The following CNTN4 variants were observed in gnomAD, a reference collection of about 807,000 sequenced individuals.
The protein encoded by CNTN4 is contactin-4.
Under a neutral mutation model 122.5 loss-of-function variants are expected in CNTN4, and 77 were observed. That is an observed-to-expected ratio of 0.63 (90% CI 0.52 to 0.76). The LOEUF (loss-of-function observed/expected upper bound fraction) is 0.76, where lower values mean the gene tolerates loss of function less well. Ranked by LOEUF, CNTN4 falls within the 30% of genes least tolerant of loss-of-function variation. The pLI, the probability that CNTN4 is intolerant of heterozygous loss-of-function variation, is 0.00. For synonymous variants in CNTN4, 512 were observed against 447.0 expected, an observed-to-expected ratio of 1.15 and a Z score of -1.83; for missense variants, 1,256 against 1,259.1, an observed-to-expected ratio of 1.00 and a Z score of 0.04.
intron 23 of CNTN4, 45 bp from the exon 24 acceptor site, chr3:3,053,762 C>G (rs1264400159): frequency 1.9e-6 from 3 of 1,603,020 alleles, no homozygotes; most frequent in African/African-American, 1.3e-5. Context: ...TATTTGGGAC[C>G]TTTGTGAAGA....
chr3:2,534,273 A>G (rs2077711624), intron 3 of CNTN4, among the ~76,000 whole-genome samples: 1 of 152,052 alleles, frequency 6.6e-6, no homozygotes, highest in South Asian at 2.1e-4. Context: ...ATCTTGAATT[A>G]ATTTTTGTAT....
chr3:2,291,713 ATATTT>A (rs201150571), intron 2 of CNTN4, among the ~76,000 whole-genome samples: 2,443 of 151,902 alleles, frequency 0.016, 66 homozygotes, highest in African/African-American at 0.056. Flanking sequence ...TTGAACTATA[ATATTT>A]TATTTTATTT....
At chr3:2,776,771 A>G (rs930060029) in intron 6 of CNTN4, among the ~76,000 whole-genome samples, 1 of 152,160 alleles carries the variant, frequency 6.6e-6, no homozygotes, top group African/African-American at 2.4e-5. Flanking sequence ...AATTTTATGT[A>G]ATAAGTTTTT....
At chr3:2,758,270 T>C (rs529351856) in intron 6 of CNTN4, among the ~76,000 whole-genome samples, 1 of 152,292 alleles carries the variant, frequency 6.6e-6, no homozygotes, top group South Asian at 2.1e-4. Context: ...AAGTGCTGAA[T>C]AAATATTTGT....
intron 6 of CNTN4, among the ~76,000 whole-genome samples, chr3:2,749,462 C>T (rs1403172980): frequency 6.6e-6 from 1 of 151,998 alleles, no homozygotes. Flanking sequence ...TTGCCCAGCT[C>T]ATTTACCAGA....
intron 14 of CNTN4, among the ~76,000 whole-genome samples, chr3:3,012,804 A>G (rs1443810659): frequency 1.3e-5 from 2 of 151,876 alleles, no homozygotes; most frequent in Non-Finnish European, 2.9e-5. Flanking sequence ...CCCCATCTCT[A>G]CTAAAAATAC....
At chr3:2,148,042 T>C (rs755746507) in intron 2 of CNTN4, among the ~76,000 whole-genome samples, 43 of 152,136 alleles carry the variant, frequency 2.8e-4, no homozygotes, top group Non-Finnish European at 5.4e-4. Context: ...AGTGCCTTTT[T>C]TCTTCTTAAG....
At chr3:2,829,849 T>G (rs897906585) in intron 7 of CNTN4, among the ~76,000 whole-genome samples, 5 of 152,206 alleles carry the variant, frequency 3.3e-5, no homozygotes, top group Admixed American at 1.3e-4. Context: ...TCTGGTTTTT[T>G]AAGAAGAGTT....
intron 2 of CNTN4, among the ~76,000 whole-genome samples, chr3:2,228,475 GTA>G (rs1484105040): frequency 6.6e-6 from 1 of 152,090 alleles, no homozygotes; most frequent in Non-Finnish European, 1.5e-5. Flanking sequence ...AAGGCTGAAA[GTA>G]TATATCATCT....
intron 7 of CNTN4, among the ~76,000 whole-genome samples, chr3:2,837,751 T>C (rs959457212): frequency 5.9e-5 from 9 of 152,122 alleles, no homozygotes; most frequent in Admixed American, 2.6e-4. Context: ...TGTTTGTCAC[T>C]AAAAACCAGC....
chr3:2,542,605 T>C (rs1403676205), intron 3 of CNTN4, among the ~76,000 whole-genome samples: 1 of 152,166 alleles, frequency 6.6e-6, no homozygotes, highest in Non-Finnish European at 1.5e-5. Context: ...AAGGTTTATA[T>C]CTGCAGGAGA....
intron 14 of CNTN4, among the ~76,000 whole-genome samples, chr3:3,006,453 C>T (rs1404197336): frequency 6.6e-6 from 1 of 152,184 alleles, no homozygotes; most frequent in Non-Finnish European, 1.5e-5. Flanking sequence ...ATTGCCCCAA[C>T]TAGAAGGTCC....
rs558810674 is a variant in CNTN4 at position 2,594,691 on chromosome 3, A to T, written c.55+23133A>T. Among the ~76,000 whole-genome samples the T allele has an allele frequency of 7.9e-5, 12 of 152,166 alleles. No homozygotes were observed. The South Asian group carries it at 2.5e-3, about 32-fold the overall frequency. The stretch of plus-strand genomic sequence containing the variant: ...AGCCTTGGCCTCCCAAAGTGCTGGG[A>T]TTACAGGCATGAGCCACCGCACTGG... On this transcript the variant is annotated intron_variant, in intron 4 of 24. Coordinates refer to ENST00000418658, the MANE Select transcript of CNTN4 (RefSeq NM_175607.3).
intron 3 of CNTN4, among the ~76,000 whole-genome samples, chr3:2,550,705 G>T (rs894594344): frequency 5.9e-5 from 9 of 152,108 alleles, no homozygotes; most frequent in Non-Finnish European, 1.0e-4. Flanking sequence ...CAACCCAAAT[G>T]TCTATCATTG....
At chr3:2,921,999 C>G (rs928259230) in intron 12 of CNTN4, among the ~76,000 whole-genome samples, 2 of 152,166 alleles carry the variant, frequency 1.3e-5, no homozygotes, top group African/African-American at 4.8e-5. Flanking sequence ...AGTTGCATTT[C>G]TCACATGGAG....
chr3:2,182,510 T>C (rs1029689729), intron 2 of CNTN4, among the ~76,000 whole-genome samples: 7 of 152,158 alleles, frequency 4.6e-5, no homozygotes, highest in African/African-American at 9.6e-5. Flanking sequence ...ATATGTAATA[T>C]CTGCCCATCC....
At chr3:2,103,971 A>G (rs2032213271) in intron 2 of CNTN4, among the ~76,000 whole-genome samples, 1 of 152,074 alleles carries the variant, frequency 6.6e-6, no homozygotes, top group Non-Finnish European at 1.5e-5. Context: ...TAAGATAGTT[A>G]TTGTTTCAAC....
chr3:2,768,402 A>G (rs2090953189), intron 6 of CNTN4, among the ~76,000 whole-genome samples: 1 of 152,214 alleles, frequency 6.6e-6, no homozygotes, highest in Non-Finnish European at 1.5e-5. Flanking sequence ...CTCAATATTA[A>G]ATTTGTTAAC....
chr3:2,507,444 G>T (rs1044202402), intron 3 of CNTN4, among the ~76,000 whole-genome samples: 1 of 151,826 alleles, frequency 6.6e-6, no homozygotes, highest in Non-Finnish European at 1.5e-5. Flanking sequence ...GGCTGGGTGC[G>T]GTGGCTCATG....
Sources: gnomAD v4.1 joint callset for allele counts (sites outside exome capture counted in the v4.1 genomes callset) on GRCh38, gnomAD v4.1.1 for gene constraint, MANE v1.5 for transcripts, NCBI Gene and HGNC (gene_info 2026-07-23, HGNC 2026-07-21) for gene names.